Variants in HTR1F observed in about 807,000 individuals in gnomAD.
The protein encoded by HTR1F is 5-hydroxytryptamine (serotonin) receptor 1F, G protein-coupled.
A neutral mutation model predicts 24.0 loss-of-function variants in HTR1F; 17 were observed. The ratio of observed to expected loss-of-function variants is 0.71; its 90% CI spans 0.48 to 1.06. The LOEUF is 1.06. Among genes scored for constraint, HTR1F ranks in the 50% least tolerant of loss-of-function variants. The pLI is 0.00. For synonymous variants in HTR1F, 186 were observed against 156.8 expected, an observed-to-expected ratio of 1.19 and a Z score of -1.39; for missense variants, 391 against 427.8, an observed-to-expected ratio of 0.91 and a Z score of 0.76.
intron 2 of HTR1F, among the ~76,000 whole-genome samples, chr3:87,904,241 C>G (rs1266931542): frequency 1.3e-5 from 2 of 152,036 alleles, no homozygotes; most frequent in African/African-American, 4.8e-5. Flanking sequence ...GTGACAATGA[C>G]AAGGAAGTGG....
intron 2 of HTR1F, among the ~76,000 whole-genome samples, chr3:87,941,352 A>G (rs1704563411): frequency 6.6e-6 from 1 of 152,188 alleles, no homozygotes; most frequent in African/African-American, 2.4e-5. Flanking sequence ...TATAGGCTGG[A>G]TACGATCCTC....
At chr3:87,980,811 C>T (rs1474750446) in intron 2 of HTR1F, among the ~76,000 whole-genome samples, 1 of 152,226 alleles carries the variant, frequency 6.6e-6, no homozygotes, top group Admixed American at 6.5e-5. Flanking sequence ...GCTTCAAGCA[C>T]ACACACAACA....
chr3:87,946,226 G>T (rs770370991), intron 2 of HTR1F, among the ~76,000 whole-genome samples: 2 of 152,154 alleles, frequency 1.3e-5, no homozygotes, highest in African/African-American at 4.8e-5. Context: ...AGTCAGCGGC[G>T]GTATGCGACG....
intron 2 of HTR1F, among the ~76,000 whole-genome samples, chr3:87,980,293 G>A (rs1453608790): frequency 6.6e-6 from 1 of 152,174 alleles, no homozygotes; most frequent in Non-Finnish European, 1.5e-5. Context: ...CAGCAGAGCG[G>A]AGACCTGGAG....
intron 2 of HTR1F, among the ~76,000 whole-genome samples, chr3:87,847,412 G>C (rs1356325438): frequency 3.3e-5 from 5 of 151,734 alleles, no homozygotes; most frequent in African/African-American, 1.2e-4. Context: ...TGTATTGATA[G>C]ACAATATTTT....
intron 1 of HTR1F, among the ~76,000 whole-genome samples, chr3:87,821,363 C>A (rs1704356715): frequency 6.6e-6 from 1 of 152,094 alleles, no homozygotes; most frequent in Admixed American, 6.5e-5. Context: ...CATCTGTTTG[C>A]TTTTGTTTTT....
chr3:87,924,283 G>A lies in HTR1F; in HGVS notation c.-42-66425G>A, dbSNP rs189909263. 3.6e-3 allele frequency among the ~76,000 whole-genome samples: 553 copies of A among 152,114 alleles called. 3 individuals carry two copies. The highest frequency in any genetic ancestry group is 0.012 in the African/African-American group (499 of 41,514). ...TAGGTTTACCAATTTGTTGATGCAC[G>A]GGGAATTTAATGTTTACTTGTAAGG... is the stretch of plus-strand genomic sequence containing the variant. On this transcript the variant is annotated intron_variant, in intron 2 of 2. Coordinates refer to ENST00000319595, the MANE Select transcript of HTR1F (RefSeq NM_001322209.2).
At chr3:87,933,588 T>C (rs1158075044) in intron 2 of HTR1F, among the ~76,000 whole-genome samples, 1 of 151,862 alleles carries the variant, frequency 6.6e-6, no homozygotes, top group South Asian at 2.1e-4. Context: ...AAATCATGAG[T>C]GAACTCCCAT....
At chr3:87,918,062 A>G (rs1366072051) in intron 2 of HTR1F, among the ~76,000 whole-genome samples, 3 of 152,128 alleles carry the variant, frequency 2.0e-5, no homozygotes, top group African/African-American at 7.2e-5. Flanking sequence ...GGATGATTTA[A>G]CATACACAAG....
chr3:87,812,274 T>A (rs1400998671), intron 1 of HTR1F, among the ~76,000 whole-genome samples: 2 of 152,208 alleles, frequency 1.3e-5, no homozygotes, highest in Non-Finnish European at 2.9e-5. Context: ...TCGATCTTCC[T>A]AGGATTATTT....
At chr3:87,869,390 C>CAGATAGAT (rs4038035) in intron 2 of HTR1F, among the ~76,000 whole-genome samples, 160 of 124,564 alleles carry the variant, frequency 1.3e-3, no homozygotes, top group Middle Eastern at 7.7e-3. Context: ...GATAGACAAA[C>CAGATAGAT]AGATAGATAG....
intron 2 of HTR1F, among the ~76,000 whole-genome samples, chr3:87,975,194 A>G (rs764119950): frequency 3.9e-5 from 6 of 152,172 alleles, no homozygotes; most frequent in Non-Finnish European, 5.9e-5. Context: ...GAGTAACTAA[A>G]TAAGAACTTC....
intron 1 of HTR1F, among the ~76,000 whole-genome samples, chr3:87,794,387 G>A (rs949764164): frequency 6.6e-6 from 1 of 152,160 alleles, no homozygotes; most frequent in African/African-American, 2.4e-5. Flanking sequence ...GAGAATGAGA[G>A]TATGTATTCA....
chr3:87,963,476 G>A (rs1295160319), intron 2 of HTR1F, among the ~76,000 whole-genome samples: 1 of 152,020 alleles, frequency 6.6e-6, no homozygotes, highest in Non-Finnish European at 1.5e-5. Flanking sequence ...ATCTTTATTT[G>A]TCCCAAAAGT....
intron 2 of HTR1F, among the ~76,000 whole-genome samples, chr3:87,907,092 G>A (rs1446992374): frequency 6.6e-6 from 1 of 151,890 alleles, no homozygotes; most frequent in African/African-American, 2.4e-5. Context: ...TCTACTTTTG[G>A]CTCTTTAAGG....
At chr3:87,919,817 T>A (rs551477377) in intron 2 of HTR1F, among the ~76,000 whole-genome samples, 2 of 151,992 alleles carry the variant, frequency 1.3e-5, no homozygotes, top group Non-Finnish European at 2.9e-5. Context: ...TGGAGATTCC[T>A]TAAAGAACTA....
At chr3:87,809,929 G>A (rs1704132796) in intron 1 of HTR1F, among the ~76,000 whole-genome samples, 1 of 151,956 alleles carries the variant, frequency 6.6e-6, no homozygotes, top group African/African-American at 2.4e-5. Context: ...TTATTAAATT[G>A]TTTTTACCCA....
intron 2 of HTR1F, among the ~76,000 whole-genome samples, chr3:87,945,416 G>T (rs1287145183): frequency 6.6e-6 from 1 of 152,184 alleles, no homozygotes; most frequent in Admixed American, 6.5e-5. Flanking sequence ...GAGGTAAGGA[G>T]AATTTTGGGG....
intron 1 of HTR1F, among the ~76,000 whole-genome samples, chr3:87,795,825 CAT>C (rs1487539210): frequency 6.6e-6 from 1 of 152,134 alleles, no homozygotes; most frequent in Non-Finnish European, 1.5e-5. Flanking sequence ...ACAAAAGAGA[CAT>C]ATTTTAGAGC....
Sources: allele counts gnomAD v4.1 joint callset (sites outside exome capture counted in the v4.1 genomes callset), GRCh38; gene constraint gnomAD v4.1.1; transcripts MANE v1.5; gene names NCBI Gene and HGNC (gene_info 2026-07-23, HGNC 2026-07-21).